Variants in CENPF observed in about 807,000 individuals in gnomAD.
The protein encoded by CENPF is AH antigen.
Under a neutral mutation model 307.3 loss-of-function variants are expected in CENPF, and 214 were observed. The observed-to-expected ratio is 0.70, with a 90% CI of 0.62 to 0.78. The LOEUF is 0.78. CENPF is among the 30% of genes least tolerant of loss of function. The probability of loss-of-function intolerance (pLI) is 0.00; values close to 1 mark genes in which losing one functional copy is unlikely to be tolerated. For synonymous variants in CENPF, 1,259 were observed against 1,270.6 expected, an observed-to-expected ratio of 0.99 and a Z score of 0.19; for missense variants, 3,401 against 3,483.9, an observed-to-expected ratio of 0.98 and a Z score of 0.60.
At position 214,643,232 on chromosome 1, in the gene CENPF, G is replaced by A. The variant is rs1324250991; in HGVS notation, c.4894G>A (p.Glu1632Lys). The change falls in exon 12 of 20, where the codon GAA becomes AAA. Residue 1632 changes from glutamate to lysine, a missense_variant. By Grantham distance (56) the Glu-to-Lys change is moderately conservative. Coordinates refer to ENST00000366955, the MANE Select transcript of CENPF (RefSeq NM_016343.4). ...GTTGGCGGCAGAAAAGAAACAGACG[G>A]AACAACTGTCACTTGAGCTGGAAGT... ...SKLAAEKKQT[E>K]QLSLELEVAR... The A allele has an allele frequency of 6.3e-7, 1 of 1,597,274 alleles. No homozygotes were observed.
intron 1 of CENPF, among the ~76,000 whole-genome samples, chr1:214,608,002 C>G (rs944840178): frequency 6.6e-6 from 1 of 152,222 alleles, no homozygotes; most frequent in Non-Finnish European, 1.5e-5. Context: ...ACACCACCCA[C>G]TCCCTCCCGC....
At chr1:214,630,426 T>C in intron 8 of CENPF, 108 bp from the exon 9 acceptor site, 1 of 1,343,496 alleles carries the variant, frequency 7.4e-7, no homozygotes, top group Non-Finnish European at 1.0e-6. Context: ...AGCTCCCTGC[T>C]GTCTCCTGTG....
chr1:214,653,931 C>T (rs937144200), intron 16 of CENPF: 2 of 152,072 alleles, frequency 1.3e-5, no homozygotes, highest in African/African-American at 4.8e-5. Flanking sequence ...AATCAGAAGT[C>T]GCAAGTTCTG....
intron 10 of CENPF, among the ~76,000 whole-genome samples, chr1:214,636,291 A>G (rs1241521360): frequency 6.6e-6 from 1 of 152,208 alleles, no homozygotes; most frequent in African/African-American, 2.4e-5. Context: ...TAATGATGCT[A>G]ATTTAAATCA....
intron 12 of CENPF, 24 bp downstream of exon 12, chr1:214,643,348 C>T: frequency 6.9e-7 from 1 of 1,449,016 alleles, no homozygotes; most frequent in South Asian, 1.7e-5. Context: ...ATTTAAATGC[C>T]ATTTCTCGGT....
chr1:214,615,951 CA>C (rs1188691810), intron 3 of CENPF, among the ~76,000 whole-genome samples: 6 of 151,948 alleles, frequency 3.9e-5, no homozygotes, highest in African/African-American at 1.5e-4. Flanking sequence ...TAGTAGACTA[CA>C]AAAACTACTG....
At chr1:214,608,391 G>A (rs1325912845) in intron 1 of CENPF, 2 of 1,613,258 alleles carry the variant, frequency 1.2e-6, no homozygotes, top group African/African-American at 2.7e-5. Flanking sequence ...AGCTGGCACC[G>A]TAGCCGGAGT....
intron 1 of CENPF, chr1:214,608,568 G>A (rs1473425277): frequency 1.2e-6 from 2 of 1,610,336 alleles, no homozygotes; most frequent in Admixed American, 1.7e-5. Context: ...GGGCGCTCTT[G>A]GTGGGGAAGA....
intron 7 of CENPF, 136 bp downstream of exon 7, chr1:214,622,417 C>T: frequency 1.3e-6 from 1 of 776,572 alleles, no homozygotes; most frequent in Non-Finnish European, 2.0e-6. Flanking sequence ...CTTGATGCAA[C>T]TGAACTAGAA....
intron 1 of CENPF, chr1:214,608,916 G>A: frequency 7.4e-7 from 1 of 1,359,956 alleles, no homozygotes; most frequent in Non-Finnish European, 9.4e-7. Context: ...GGCAGGGGAG[G>A]GGTGGGGGTG....
At position 214,616,835 on chromosome 1, in the gene CENPF, C is replaced by T. The variant is rs182387959; in HGVS notation, c.360-1738C>T. On this transcript the variant is annotated intron_variant, in intron 3 of 19. Transcript: ENST00000366955. ...CCTTCCTTCCTTCTTTCCTTCCTTCCTCTTTCTTTCTTTCTTTCTTTCTTT... is the reference window on the plus strand; with the variant it reads ...CCTTCCTTCCTTCTTTCCTTCCTTCTTCTTTCTTTCTTTCTTTCTTTCTTT... 6.9e-3 allele frequency among the ~76,000 whole-genome samples: 471 copies of T among 68,556 alleles called. 14 individuals are homozygous for T. The highest frequency in any genetic ancestry group is 0.026 in the African/African-American group (441 of 17,238). 45.0% of individuals were successfully genotyped at this position (68,556 alleles called of 152,430 possible).
chr1:214,652,185 G>A lies in CENPF; in HGVS notation c.8160+299G>A, dbSNP rs112919970. ...CGAGTAGCTGGGACTACAGGTGCCC[G>A]CCACCACGCCCGGCTAATTTTTTGT... is the stretch of plus-strand genomic sequence containing the variant. On this transcript the variant is annotated intron_variant, in intron 15 of 19. Coordinates refer to ENST00000366955, the MANE Select transcript of CENPF (RefSeq NM_016343.4). 0.016 allele frequency among the ~76,000 whole-genome samples: 2,344 copies of A among 149,178 alleles called. 32 individuals carry two copies. Among genetic ancestry groups the A allele is most frequent in the South Asian group, 0.044 (205 of 4,652 alleles).
chr1:214,606,418 C>G (rs1036912580), intron 1 of CENPF, among the ~76,000 whole-genome samples: 3 of 152,174 alleles, frequency 2.0e-5, no homozygotes, highest in Admixed American at 6.5e-5. Context: ...TAGGTGCACA[C>G]TGGGAACTGT....
intron 9 of CENPF, among the ~76,000 whole-genome samples, chr1:214,632,082 T>A (rs750822134): frequency 2.6e-5 from 4 of 152,266 alleles, no homozygotes; most frequent in South Asian, 2.1e-4. Context: ...TGTTCAATCA[T>A]AGAGCGCTGT....
intron 1 of CENPF, among the ~76,000 whole-genome samples, chr1:214,605,148 A>G (rs950130006): frequency 2.8e-4 from 43 of 152,208 alleles, no homozygotes; most frequent in Admixed American, 2.3e-3. Context: ...GAAAGTTGCT[A>G]TATTTTCTTC....
intron 1 of CENPF, among the ~76,000 whole-genome samples, chr1:214,610,806 T>C (rs1472067231): frequency 6.6e-6 from 1 of 152,220 alleles, no homozygotes; most frequent in Non-Finnish European, 1.5e-5. Context: ...CTGTGGTTTT[T>C]ATAGTTTGGG....
At chr1:214,657,700 G>A (rs1254624884) in intron 18 of CENPF, among the ~76,000 whole-genome samples, 2 of 152,140 alleles carry the variant, frequency 1.3e-5, no homozygotes, top group African/African-American at 2.4e-5. Context: ...AAGGACTCCC[G>A]TCAGCGTTTC....
chr1:214,603,788 A>C (rs1404768211), intron 1 of CENPF: 2 of 150,878 alleles, frequency 1.3e-5, no homozygotes, highest in African/African-American at 4.9e-5. Context: ...TTACGCGAGC[A>C]TTTCTCTTTC....
At chr1:214,606,308 C>G (rs1260123609) in intron 1 of CENPF, among the ~76,000 whole-genome samples, 1 of 152,064 alleles carries the variant, frequency 6.6e-6, no homozygotes, top group Non-Finnish European at 1.5e-5. Flanking sequence ...CGCTGCCGTT[C>G]CCTGGCGTTT....
Sources: allele counts gnomAD v4.1 joint callset (sites outside exome capture counted in the v4.1 genomes callset), GRCh38; gene constraint gnomAD v4.1.1; transcripts MANE v1.5; gene names NCBI Gene and HGNC (gene_info 2026-07-23, HGNC 2026-07-21).